ZNF800: variants seen among roughly 807,000 people sequenced by gnomAD.
ZNF800 encodes zinc finger protein 800.
A neutral mutation model predicts 59.5 loss-of-function variants in ZNF800; 13 were observed. The ratio of observed to expected loss-of-function variants is 0.22; its 90% CI spans 0.14 to 0.35. ZNF800 has a LOEUF of 0.35. ZNF800 is among the 10% of genes least tolerant of loss of function. ZNF800 has a pLI of 1.00. For synonymous variants in ZNF800, 266 were observed against 265.7 expected (o/e 1.00, Z -0.01); for missense variants, 621 against 783.7 (o/e 0.79, Z 2.48).
At chr7:127,389,612 C>T (rs947993793) in intron 2 of ZNF800, among the ~76,000 whole-genome samples, 3 of 152,130 alleles carry the variant, frequency 2.0e-5, no homozygotes, top group Admixed American at 1.3e-4. Flanking sequence ...GAAATAATGA[C>T]AATGAACTAC....
intron 4 of ZNF800, among the ~76,000 whole-genome samples, chr7:127,375,454 T>C (rs1255876335): frequency 6.6e-6 from 1 of 152,056 alleles, no homozygotes; most frequent in Non-Finnish European, 1.5e-5. Flanking sequence ...AAAATGGCAT[T>C]TTTTAGAAAA....
At position 127,359,885 on chromosome 7, in the gene ZNF800, G is replaced by A. The variant is rs556731905; in HGVS notation, n.225-11842C>T. On this transcript the variant is annotated intron_variant and non_coding_transcript_variant, in intron 1 of 1. Transcript: ENST00000485577. The stretch of plus-strand genomic sequence containing the variant: ...CCATTACACTTCTCTTATAGAATAA[G>A]CAAGAGTAGGAAACAGATACACCAC... The A allele has an allele frequency of 1.4e-4, 21 of 147,640 alleles. No homozygotes were observed. The South Asian group carries it at 4.3e-3, about 30-fold the overall frequency. The allele number at this position is 147,640 out of a possible 1,614,324, so 9.1% of individuals were successfully genotyped here.
chr7:127,350,309 T>G (rs1800147193), intron 1 of ZNF800: 1 of 152,240 alleles, frequency 6.6e-6, no homozygotes, highest in Non-Finnish European at 1.5e-5. Context: ...GGATTATGCC[T>G]CCGTTCTCTT....
rs900138872 is a variant in ZNF800, at chr7:127,392,070, G to C, written c.-69C>G. On this transcript the variant is annotated 5_prime_UTR_variant, in exon 1 of 6. Transcript: ENST00000265827. Reference sequence around the variant, plus strand: ...GTGCGCCCAACTTACTCAACTCTTAGGGCGGGCCGGCGGGCGGGCGGAAGG... The same window carrying C: ...GTGCGCCCAACTTACTCAACTCTTACGGCGGGCCGGCGGGCGGGCGGAAGG... The C allele has an allele frequency of 5.1e-6, 2 of 390,888 alleles. No homozygotes were observed. Among genetic ancestry groups the C allele is most frequent in the Non-Finnish European group, 9.0e-6 (2 of 221,276 alleles). 24.2% of individuals were successfully genotyped at this position (390,888 alleles called of 1,614,324 possible). A position where few individuals can be genotyped will look rare whatever the true frequency, so the allele number is the denominator to read the frequency against.
In ZNF800 at chr7:127,386,109, T is replaced by C; in HGVS notation, c.108A>G (p.Leu36=). ...PGDPPLLQQP[L]QTSKSGIQQI... is the part of the protein sequence containing the mutation. Reference sequence around the variant, plus strand: ...GTTGAATACCAGATTTGGATGTCTGTAGTGGTTGCTGTAACAAAGGAGGAT... The same window carrying C: ...GTTGAATACCAGATTTGGATGTCTGCAGTGGTTGCTGTAACAAAGGAGGAT... Residue 36 remains leucine, a synonymous_variant, in exon 3 of 6, where the codon CTA becomes CTG. Transcript: ENST00000265827. 5 of 1,612,008 alleles carry C rather than the reference T, an allele frequency of 3.1e-6. No individual in the cohort carries two copies. The highest frequency in any genetic ancestry group is 4.5e-5 in the East Asian group (2 of 44,748).
downstream of ZNF800, among the ~76,000 whole-genome samples, chr7:127,345,097 T>C (rs1481325119): frequency 6.6e-6 from 1 of 152,192 alleles, no homozygotes; most frequent in African/African-American, 2.4e-5. Flanking sequence ...TTTCAATATA[T>C]AAAAAGTTCT....
intron 3 of ZNF800, among the ~76,000 whole-genome samples, chr7:127,379,133 T>G (rs1158781910): frequency 1.3e-5 from 2 of 152,166 alleles, no homozygotes; most frequent in Admixed American, 6.5e-5. Context: ...GCCTGAGTGT[T>G]ATTCTTTACA....
rs533467544 is a variant in ZNF800, at chr7:127,350,978, A to G, written n.225-2935T>C. ...TGTTCTTAAATGGAGTTCTCCTTTGATGACATCAGCAAGCACATGAAAATG... is the reference window on the plus strand; with the variant it reads ...TGTTCTTAAATGGAGTTCTCCTTTGGTGACATCAGCAAGCACATGAAAATG... On this transcript the variant is annotated intron_variant and non_coding_transcript_variant, in intron 1 of 1. Transcript: ENST00000485577. Among the ~76,000 whole-genome samples, 17 of 152,298 alleles carry G rather than the reference A, an allele frequency of 1.1e-4. No homozygotes were observed. The South Asian group carries it at 3.5e-3, about 32-fold the overall frequency.
chr7:127,349,038 TTAACTC>T (rs1248854002), intron 1 of ZNF800, among the ~76,000 whole-genome samples: 8 of 152,146 alleles, frequency 5.3e-5, no homozygotes, highest in African/African-American at 1.9e-4. Context: ...TATATCTTAT[TTAACTC>T]TAGTAATAAT....
rs71179574 is a variant in ZNF800 at position 127,379,836 on chromosome 7, A to ACC, written c.158-2509_158-2508dup. 2.0e-3 allele frequency among the ~76,000 whole-genome samples: 56 copies of ACC among 27,642 alleles called. 3 individuals are homozygous for ACC. Among genetic ancestry groups the ACC allele is most frequent in the African/African-American group, 6.0e-3 (40 of 6,682 alleles). 18.1% of individuals were successfully genotyped at this position (27,642 alleles called of 152,430 possible). On this transcript the variant is annotated intron_variant, in intron 3 of 5. Transcript: ENST00000265827. Reference sequence around the variant, plus strand: ...ACAAATGCTTCCCCTTACCCTTGCCACCCCCCCACCCCCCCACCCCCCCCA... The same window carrying ACC: ...ACAAATGCTTCCCCTTACCCTTGCCACCCCCCCCCACCCCCCCACCCCCCCCA...
chr7:127,360,296 C>T (rs1375056102), intron 1 of ZNF800: 30 of 152,086 alleles, frequency 2.0e-4, no homozygotes, highest in Admixed American at 2.0e-3. Flanking sequence ...AATTCACATC[C>T]TGATTAAATA....
rs186530666 is a variant in ZNF800, at chr7:127,354,847, C to T, written n.225-6804G>A. ...TCTAGATTCTCCATGTACAACTCAA[C>T]AGAATTATGGCTCAATCGAAGGTAT... On this transcript the variant is annotated intron_variant and non_coding_transcript_variant, in intron 1 of 1. Coordinates refer to the ZNF800 transcript ENST00000485577. 1.1e-4 allele frequency among the ~76,000 whole-genome samples: 17 copies of T among 152,204 alleles called. No homozygotes were observed. In the East Asian group the frequency reaches 3.3e-3, roughly 29 times the overall value.
chr7:127,376,796 A>C (rs2117128650), intron 4 of ZNF800, among the ~76,000 whole-genome samples: 1 of 152,108 alleles, frequency 6.6e-6, no homozygotes, highest in Middle Eastern at 3.4e-3. Flanking sequence ...AATCTAAATA[A>C]GTGATCAATC....
At chr7:127,365,840 A>G (rs560574846), downstream of ZNF800, among the ~76,000 whole-genome samples, 1 of 152,290 alleles carries the variant, frequency 6.6e-6, no homozygotes, top group East Asian at 1.9e-4. Context: ...AACAAACATC[A>G]AATGGCAAAG....
chr7:127,391,606 T>C lies in ZNF800; in HGVS notation c.-49A>G, dbSNP rs1315505773. 5.1e-6 allele frequency: 8 copies of C among 1,569,700 alleles called. No homozygotes were observed. The highest frequency in any genetic ancestry group is 6.1e-6 in the Non-Finnish European group (7 of 1,139,898). ...GCTTTCACTGTAAGAAGCTCTTCATTGCGGCGTGGCTGTTGAAAGAAGCAC... is the reference window on the plus strand; with the variant it reads ...GCTTTCACTGTAAGAAGCTCTTCATCGCGGCGTGGCTGTTGAAAGAAGCAC... On this transcript the variant is annotated 5_prime_UTR_variant, in exon 2 of 6. Coordinates refer to ENST00000265827, the MANE Select transcript of ZNF800 (RefSeq NM_176814.5).
intron 2 of ZNF800, among the ~76,000 whole-genome samples, chr7:127,387,917 AACACACACAC>A (rs141731563): frequency 6.1e-4 from 90 of 147,832 alleles, no homozygotes; most frequent in South Asian, 3.0e-3. Flanking sequence ...ATTAATTAAG[AACACACACAC>A]ACACACACAC....
intron 2 of ZNF800, among the ~76,000 whole-genome samples, chr7:127,388,877 A>C (rs1801222679): frequency 6.6e-6 from 1 of 152,192 alleles, no homozygotes. Flanking sequence ...TCAACTCTAG[A>C]AAACTTTATT....
chr7:127,367,565 C>T (rs1473446949), downstream of ZNF800, among the ~76,000 whole-genome samples: 2 of 152,062 alleles, frequency 1.3e-5, no homozygotes, highest in East Asian at 1.9e-4. Context: ...AACAAGCATG[C>T]CATAAATGTT....
intron 2 of ZNF800, among the ~76,000 whole-genome samples, chr7:127,391,148 GACA>G (rs1290906929): frequency 2.6e-5 from 4 of 152,022 alleles, no homozygotes; most frequent in African/African-American, 9.7e-5. Flanking sequence ...ACAATTTCAC[GACA>G]ACAAATCTAG....
Sources: gnomAD v4.1 joint callset for allele counts (sites outside exome capture counted in the v4.1 genomes callset) on GRCh38, gnomAD v4.1.1 for gene constraint, MANE v1.5 for transcripts, NCBI Gene and HGNC (gene_info 2026-07-23, HGNC 2026-07-21) for gene names.